TLX3: variants seen among roughly 807,000 people sequenced by gnomAD.
TLX3 encodes T-cell leukemia homeobox protein 3.
A neutral mutation model predicts 19.6 loss-of-function variants in TLX3; 11 were observed. That is an observed-to-expected ratio of 0.56 (90% CI 0.35 to 0.93). TLX3 has a LOEUF of 0.93. Ranked by LOEUF, TLX3 falls within the 40% of genes least tolerant of loss-of-function variation. The probability of loss-of-function intolerance (pLI) is 0.01; values close to 1 mark genes in which losing one functional copy is unlikely to be tolerated. For missense variants in TLX3, 375 were observed against 418.6 expected, an observed-to-expected ratio of 0.90 and a Z score of 0.91; for synonymous variants, 221 against 188.1, an observed-to-expected ratio of 1.17 and a Z score of -1.43.
rs755475836 is a variant in TLX3, at chr5:171,311,420, C to A, written c.697C>A (p.Arg233=). The change falls in exon 3 of 3, where the codon CGG becomes AGG. Residue 233 remains arginine (R), a synonymous_variant. Transcript: ENST00000296921. The surrounding 1 kb of genome is among the most constrained non-coding windows in gnomAD (Gnocchi z 5.1). ...RQTAEEREAE[R]QQASRLMLQL... ...GACGGCGGAGGAGCGGGAGGCGGAG[C>A]GGCAGCAGGCGAGCCGGCTCATGCT... is the stretch of plus-strand genomic sequence containing the variant. 1.9e-6 allele frequency: 3 copies of A among 1,563,456 alleles called. No homozygotes were observed. The highest frequency in any genetic ancestry group is 2.7e-5 in the African/African-American group (2 of 73,544).
rs1294298580 is a variant in TLX3 at position 171,311,684 on chromosome 5, C to G, written c.*85C>G. 1 of 1,115,116 alleles carries G rather than the reference C, an allele frequency of 9.0e-7. No homozygotes were observed. 69.1% of individuals were successfully genotyped at this position (1,115,116 alleles called of 1,614,324 possible). On this transcript the variant is annotated 3_prime_UTR_variant, in exon 3 of 3. Transcript: ENST00000296921. This position sits in a 1 kb window ranked among gnomAD's most constrained non-coding sequence, Gnocchi z 5.1. ...CCCCCCAGGCGGGCTGCGGGGGAACCGGCGCCGAGAGGGGAAGGGGCCGCC... is the reference window on the plus strand; with the variant it reads ...CCCCCCAGGCGGGCTGCGGGGGAACGGGCGCCGAGAGGGGAAGGGGCCGCC...
chr5:171,309,927 T>C, intron 1 of TLX3, 141 bp downstream of exon 1: 12 of 1,312,844 alleles, frequency 9.1e-6, no homozygotes, highest in Non-Finnish European at 1.2e-5. Flanking sequence ...CGGGCAGCCG[T>C]GGTGGGGAGG....
rs962826402 is a variant in TLX3, at chr5:171,311,734, G to A, written c.*135G>A. 3.3e-6 allele frequency: 2 copies of A among 608,772 alleles called. No individual in the cohort carries two copies. Among genetic ancestry groups the A allele is most frequent in the East Asian group, 3.4e-5 (1 of 29,092 alleles). The allele number at this position is 608,772 out of a possible 1,614,324, so 37.7% of individuals were successfully genotyped here. On this transcript the variant is annotated 3_prime_UTR_variant, in exon 3 of 3. Coordinates refer to ENST00000296921, the MANE Select transcript of TLX3 (RefSeq NM_021025.4). This position sits in a 1 kb window ranked among gnomAD's most constrained non-coding sequence, Gnocchi z 5.1. ...CTAGCCCGAGTAGGCCCCAGGGCGC[G>A]GCCACAGACTGGCGGGCCGCGGAAG...
rs917319722 is a variant in TLX3 at position 171,311,208 on chromosome 5, T to G, written c.666-181T>G. 6.6e-6 allele frequency among the ~76,000 whole-genome samples: 1 copy of G among 152,096 alleles called. No individual in the cohort carries two copies. Among genetic ancestry groups the G allele is most frequent in the Non-Finnish European group, 1.5e-5 (1 of 68,000 alleles). ...CCCTCTGGCACACAACAAAAACAAA[T>G]GATCCTAACCGGCTCCCTGGATATA... On this transcript the variant is annotated intron_variant, in intron 2 of 2. Coordinates refer to ENST00000296921, the MANE Select transcript of TLX3 (RefSeq NM_021025.4). This position sits in a 1 kb window ranked among gnomAD's most constrained non-coding sequence, Gnocchi z 5.1.
In TLX3 at chr5:171,309,382, G is replaced by C; in HGVS notation, c.17G>C (p.Ser6Thr). The C allele has an allele frequency of 7.5e-7, 1 of 1,331,762 alleles. No homozygotes were observed. Among genetic ancestry groups the C allele is most frequent in the Non-Finnish European group, 1.0e-6 (1 of 1,003,186 alleles). 82.5% of individuals were successfully genotyped at this position (1,331,762 alleles called of 1,614,324 possible). ...CCGCCCAGGATGGAGGCGCCCGCCA[G>C]CGCGCAGACCCCGCACCCGCACGAG... is the stretch of plus-strand genomic sequence containing the variant. MEAPA[S>T]AQTPHPHEPI... The change falls in exon 1 of 3, where the codon AGC becomes ACC. Residue 6 changes from serine to threonine, a missense_variant. By Grantham distance (58) the Ser-to-Thr change is moderately conservative. This residue lies in a region of TLX3 where 239 missense variants were observed against 217.0 expected (regional missense o/e 1.10). Coordinates refer to ENST00000296921, the MANE Select transcript of TLX3 (RefSeq NM_021025.4).
Position 171,309,327 on chromosome 5 carries a change from T to TCGCCCCC in TLX3, c.-38_-37insGCCCCCC. On this transcript the variant is annotated 5_prime_UTR_variant, in exon 1 of 3. Coordinates refer to ENST00000296921, the MANE Select transcript of TLX3 (RefSeq NM_021025.4). Reference sequence around the variant, plus strand: ...GCGCCGTAACGGGGACCCAGCCGCCTCCCCGCCCAGCCCAGCCCAGCCCTT... The same window carrying TCGCCCCC: ...GCGCCGTAACGGGGACCCAGCCGCCTCGCCCCCCCCCGCCCAGCCCAGCCCAGCCCTT... 9 of 976,970 alleles carry TCGCCCCC rather than the reference T, an allele frequency of 9.2e-6. No homozygotes were observed. Among genetic ancestry groups the TCGCCCCC allele is most frequent in the East Asian group, 2.8e-5 (1 of 35,738 alleles). The allele number at this position is 976,970 out of a possible 1,614,324, so 60.5% of individuals were successfully genotyped here. A position where few individuals can be genotyped will look rare whatever the true frequency, so the allele number is the denominator to read the frequency against.
At position 171,309,259 on chromosome 5, in the gene TLX3, G is replaced by T. The variant is rs533953293; in HGVS notation, c.-107G>T. ...AGCCTGTCGGGCCCGCGCACTCTTG[G>T]CAAAGTTTCAGTGCGACGAGAGGCG... On this transcript the variant is annotated 5_prime_UTR_variant, in exon 1 of 3. Coordinates refer to ENST00000296921, the MANE Select transcript of TLX3 (RefSeq NM_021025.4). The T allele has an allele frequency of 2.7e-5, 27 of 993,048 alleles. No homozygotes were observed. In the African/African-American group the frequency reaches 4.5e-4, roughly 17 times the overall value. The allele number at this position is 993,048 out of a possible 1,614,324, so 61.5% of individuals were successfully genotyped here.
rs1479165254 is a variant in TLX3 at position 171,312,108 on chromosome 5, T to C, written c.*509T>C. Reference sequence around the variant, plus strand: ...TCCGTTCCTTTTATTTAAGTCTTTTTATTTAATAAAAAAGTTAGCTATTTC... The same window carrying C: ...TCCGTTCCTTTTATTTAAGTCTTTTCATTTAATAAAAAAGTTAGCTATTTC... On this transcript the variant is annotated 3_prime_UTR_variant, in exon 3 of 3. Coordinates refer to ENST00000296921, the MANE Select transcript of TLX3 (RefSeq NM_021025.4). 1 of 178,310 alleles carries C rather than the reference T, an allele frequency of 5.6e-6. No homozygotes were observed. The highest frequency in any genetic ancestry group is 2.4e-5 in the African/African-American group (1 of 42,260). 11.0% of individuals were successfully genotyped at this position (178,310 alleles called of 1,614,324 possible).
rs776887194 is a variant in TLX3, at chr5:171,309,526, C to A, written c.161C>A (p.Ala54Asp). ...LGGPPGGRPGATYPSLPASFA... is the reference protein window; with the variant it reads ...LGGPPGGRPGDTYPSLPASFA... Reference sequence around the variant, plus strand: ...GGGCCCCCCGGGGGCCGTCCGGGCGCCACATACCCGTCTCTGCCCGCCTCC... The same window carrying A: ...GGGCCCCCCGGGGGCCGTCCGGGCGACACATACCCGTCTCTGCCCGCCTCC... The change falls in exon 1 of 3, where the codon GCC becomes GAC. Residue 54 changes from alanine to aspartate, a missense_variant. Ala to Asp is a moderately radical substitution (Grantham distance 126). This residue lies in a region of TLX3 where 239 missense variants were observed against 217.0 expected (regional missense o/e 1.10). Transcript: ENST00000296921. The A allele has an allele frequency of 1.3e-6, 2 of 1,570,406 alleles. No homozygotes were observed. The highest frequency in any genetic ancestry group is 1.9e-5 in the Admixed American group (1 of 53,488).
At chr5:171,309,929 G>C (rs967250860) in intron 1 of TLX3, 143 bp downstream of exon 1, 6 of 1,311,618 alleles carry the variant, frequency 4.6e-6, no homozygotes, top group African/African-American at 1.5e-5. Flanking sequence ...GGCAGCCGTG[G>C]TGGGGAGGGT....
At chr5:171,310,735 CA>C (rs1769206762) in intron 2 of TLX3, among the ~76,000 whole-genome samples, 1 of 83,688 alleles carries the variant, frequency 1.2e-5, no homozygotes. Context: ...CACACAGGCA[CA>C]CACACACACA....
intron 1 of TLX3, 63 bp downstream of exon 1, chr5:171,309,849 C>T: frequency 1.4e-6 from 2 of 1,478,970 alleles, no homozygotes; most frequent in Non-Finnish European, 1.8e-6. Flanking sequence ...GCGCCGCGCC[C>T]TGTGCGCTCC....
Position 171,311,335 on chromosome 5 carries a change from G to T in TLX3, c.666-54G>T. On this transcript the variant is annotated intron_variant, in intron 2 of 2. Transcript: ENST00000296921. The surrounding 1 kb of genome is among the most constrained non-coding windows in gnomAD (Gnocchi z 5.1). The stretch of plus-strand genomic sequence containing the variant: ...CGGGAGGGCCGGGGCCCCGCCGGCG[G>T]CCCCGCGGTGCCGGGTGCATGACGG... The T allele has an allele frequency of 6.7e-7, 1 of 1,490,602 alleles. No individual in the cohort carries two copies. The highest frequency in any genetic ancestry group is 1.3e-5 in the South Asian group (1 of 76,838). 92.3% of individuals were successfully genotyped at this position (1,490,602 alleles called of 1,614,324 possible). A position where few individuals can be genotyped will look rare whatever the true frequency, so the allele number is the denominator to read the frequency against.
chr5:171,310,299 C>A lies in TLX3; in HGVS notation c.571C>A (p.Leu191Met), dbSNP rs766434206. ...AAAGCGCTTCCATCGCCAGAAGTAC[C>A]TGGCCTCTGCCGAGAGGGCGGCGCT... The part of the protein sequence containing the change: ...LEKRFHRQKY[L>M]ASAERAALAK... The change falls in exon 2 of 3, where the codon CTG becomes ATG. Residue 191 changes from leucine (L) to methionine (M), a missense_variant. Coordinates refer to ENST00000296921, the MANE Select transcript of TLX3 (RefSeq NM_021025.4). The A allele has an allele frequency of 7.5e-6, 12 of 1,603,274 alleles. No homozygotes were observed. Among genetic ancestry groups the A allele is most frequent in the Non-Finnish European group, 1.0e-5 (12 of 1,175,300 alleles).
At position 171,311,609 on chromosome 5, in the gene TLX3, C is replaced by G. The variant is rs763119453; in HGVS notation, c.*10C>G. The G allele has an allele frequency of 3.3e-5, 53 of 1,590,136 alleles. No homozygotes were observed. The highest frequency in any genetic ancestry group is 8.6e-5 in the Admixed American group (5 of 58,434). On this transcript the variant is annotated 3_prime_UTR_variant, in exon 3 of 3. Coordinates refer to ENST00000296921, the MANE Select transcript of TLX3 (RefSeq NM_021025.4). This position sits in a 1 kb window ranked among gnomAD's most constrained non-coding sequence, Gnocchi z 5.1. ...CACCTCCCTGGTGTGAGCCCACCAGCGCGCACCGTCGCCACGGATCGCCGC... is the reference window on the plus strand; with the variant it reads ...CACCTCCCTGGTGTGAGCCCACCAGGGCGCACCGTCGCCACGGATCGCCGC...
chr5:171,310,190 C>G lies in TLX3; in HGVS notation c.462C>G (p.Ile154Met). Residue 154 changes from isoleucine to methionine, a missense_variant, in exon 2 of 3, where the codon ATC (isoleucine) becomes ATG (methionine). Around this residue, in one of 3 missense-constraint regions of TLX3, gnomAD observed 74 missense variants for 138.6 expected, o/e 0.53. Coordinates refer to ENST00000296921, the MANE Select transcript of TLX3 (RefSeq NM_021025.4). ...ALTPFTVTRR[I>M]GHPYQNRTPP... ...CGCCCTTCACCGTGACCCGGCGCATCGGCCACCCCTACCAGAACCGGACGC... is the reference window on the plus strand; with the variant it reads ...CGCCCTTCACCGTGACCCGGCGCATGGGCCACCCCTACCAGAACCGGACGC... The G allele has an allele frequency of 6.4e-7, 1 of 1,552,422 alleles. No homozygotes were observed. The highest frequency in any genetic ancestry group is 1.2e-5 in the South Asian group (1 of 84,180).
chr5:171,309,659 G>A lies in TLX3; in HGVS notation c.294G>A (p.Gly98=). The A allele has an allele frequency of 6.2e-7, 1 of 1,608,580 alleles. No homozygotes were observed. Among genetic ancestry groups the A allele is most frequent in the South Asian group, 1.1e-5 (1 of 90,430 alleles). ...IRVPAHRPLP[G]AVPPPLPSAL... is the part of the protein sequence containing the mutation. ...TGCCGGCGCACAGGCCGCTGCCCGG[G>A]GCCGTGCCACCGCCTCTGCCAAGCG... Residue 98 remains glycine, a synonymous_variant, in exon 1 of 3, where the codon GGG becomes GGA. Coordinates refer to ENST00000296921, the MANE Select transcript of TLX3 (RefSeq NM_021025.4).
At chr5:171,310,506 T>G in intron 2 of TLX3, 113 bp downstream of exon 2, 1 of 1,215,354 alleles carries the variant, frequency 8.2e-7, no homozygotes, top group Non-Finnish European at 1.1e-6. Flanking sequence ...CGCCCCCCTC[T>G]GCCTCCCCCA....
intron 1 of TLX3, 35 bp downstream of exon 1, chr5:171,309,821 G>T (rs775870287): frequency 2.0e-6 from 3 of 1,530,832 alleles, no homozygotes; most frequent in Non-Finnish European, 2.6e-6. Context: ...CCAGGCCTCC[G>T]CCCTCTCGGG....
Sources: allele counts gnomAD v4.1 joint callset (sites outside exome capture counted in the v4.1 genomes callset), GRCh38; gene constraint gnomAD v4.1.1; regional missense constraint gnomAD v4.1.1; non-coding constraint Gnocchi (gnomAD v3.1); transcripts MANE v1.5; gene names NCBI Gene and HGNC (gene_info 2026-07-23, HGNC 2026-07-21).